Variants in DOCK8 observed in about 807,000 individuals in gnomAD.
The protein encoded by DOCK8 is dedicator of cytokinesis 8.
DOCK8 carries 141 observed loss-of-function variants against 245.6 expected under a neutral mutation model. The ratio of observed to expected loss-of-function variants is 0.57; its 90% CI spans 0.50 to 0.66. The LOEUF is 0.66. Ranked by LOEUF, DOCK8 falls within the 30% of genes least tolerant of loss-of-function variation. The pLI is 0.00. For missense variants in DOCK8, 2,965 were observed against 2,603.4 expected, an observed-to-expected ratio of 1.14 and a Z score of -3.02; for synonymous variants, 1,168 against 970.2, an observed-to-expected ratio of 1.20 and a Z score of -3.79.
At chr9:433,723 C>T in intron 37 of DOCK8, 152 bp from the exon 38 acceptor site, 2 of 691,470 alleles carry the variant, frequency 2.9e-6, no homozygotes, top group South Asian at 1.5e-5. Flanking sequence ...ATGAAAACTA[C>T]AGAGTCAGGT....
At chr9:359,881 C>A (rs2052638043) in intron 14 of DOCK8, among the ~76,000 whole-genome samples, 1 of 151,282 alleles carries the variant, frequency 6.6e-6, no homozygotes, top group African/African-American at 2.4e-5. Context: ...TTTGAAATTG[C>A]CAAAATTGTT....
chr9:437,876 C>A (rs1309753661), intron 39 of DOCK8, among the ~76,000 whole-genome samples: 2 of 152,200 alleles, frequency 1.3e-5, no homozygotes, highest in African/African-American at 4.8e-5. Context: ...AGAAAGTCTG[C>A]AGAATCCTTT....
In DOCK8 at chr9:451,969, ATATATATATTTTTTTTTTTTT is replaced by A. The variant is rs749360544; in HGVS notation, c.5962-40_5962-20del. On this transcript the variant is annotated intron_variant, in intron 45 of 47. Coordinates refer to ENST00000432829, the MANE Select transcript of DOCK8 (RefSeq NM_203447.4). ...TGTGTGTGTGTGTATATATATATAT[ATATATATATTTTTTTTTTTTT>A]TTTTTTTTTTTTCCCACCAGGGACC... 5.2e-4 allele frequency: 208 copies of A among 397,162 alleles called. 1 individual carries two copies. The African/African-American group carries it at 8.3e-3, about 16-fold the overall frequency. 24.6% of individuals were successfully genotyped at this position (397,162 alleles called of 1,614,324 possible).
At chr9:441,629 A>G (rs2057098444) in intron 41 of DOCK8, among the ~76,000 whole-genome samples, 1 of 152,260 alleles carries the variant, frequency 6.6e-6, no homozygotes, top group African/African-American at 2.4e-5. Context: ...CTTTATAACC[A>G]GGAAATGTGA....
upstream of DOCK8, among the ~76,000 whole-genome samples, chr9:211,908 G>A (rs931468170): frequency 3.9e-5 from 6 of 152,170 alleles, no homozygotes; most frequent in African/African-American, 1.2e-4. Flanking sequence ...CAAAAAATGT[G>A]TGATTATGGA....
upstream of DOCK8, among the ~76,000 whole-genome samples, chr9:212,284 G>C (rs948056036): frequency 6.6e-6 from 1 of 152,164 alleles, no homozygotes; most frequent in African/African-American, 2.4e-5. Context: ...GTAAGAAGAA[G>C]ATGTGGGGAA....
At chr9:420,042 A>C in intron 30 of DOCK8, 1 of 343,962 alleles carries the variant, frequency 2.9e-6, no homozygotes, top group Non-Finnish European at 5.6e-6. Flanking sequence ...TGGAGATCTT[A>C]GCAGCATGAA....
At chr9:377,254 C>A (rs1253858153) in intron 20 of DOCK8, 43 bp downstream of exon 20, 4 of 1,494,212 alleles carry the variant, frequency 2.7e-6, no homozygotes, top group East Asian at 2.4e-5. Context: ...CAGGAGCAAG[C>A]AAGCATTGCC....
intron 14 of DOCK8, among the ~76,000 whole-genome samples, chr9:343,736 A>G (rs770466477): frequency 6.6e-6 from 1 of 152,222 alleles, no homozygotes; most frequent in Non-Finnish European, 1.5e-5. Flanking sequence ...CCTTAGAGGA[A>G]GATGAAGGCA....
chr9:285,412 A>G (rs2048778351), intron 2 of DOCK8, among the ~76,000 whole-genome samples: 1 of 152,146 alleles, frequency 6.6e-6, no homozygotes, highest in African/African-American at 2.4e-5. Flanking sequence ...AATCCAAGAT[A>G]TTTGTTTTGT....
chr9:403,917 CATATATATATATGTG>C (rs2055253564), intron 26 of DOCK8, among the ~76,000 whole-genome samples: 3 of 65,136 alleles, frequency 4.6e-5, no homozygotes, highest in African/African-American at 2.4e-4. Flanking sequence ...TATATATATA[CATATATATATATGTG>C]TATATATATA....
At position 324,717 on chromosome 9, in the gene DOCK8, T is replaced by C. The variant is rs184204607; in HGVS notation, c.828-954T>C. Among the ~76,000 whole-genome samples, 1,082 of 152,240 alleles carry C rather than the reference T, an allele frequency of 7.1e-3. 14 individuals are homozygous for C. The highest frequency in any genetic ancestry group is 8.3e-3 in the Non-Finnish European group (562 of 68,016). ...ATTCATCCCCATCAAAACCCAGCCT[T>C]CTTCTGACTGTCCCACTACAAATCT... is the stretch of plus-strand genomic sequence containing the variant. On this transcript the variant is annotated intron_variant, in intron 7 of 47. Transcript: ENST00000432829.
At chr9:343,664 C>G (rs74463483) in intron 14 of DOCK8, among the ~76,000 whole-genome samples, 5 of 152,090 alleles carry the variant, frequency 3.3e-5, no homozygotes, top group Admixed American at 1.3e-4. Context: ...AAACTTAGTC[C>G]CCACGTCTCC....
intron 6 of DOCK8, among the ~76,000 whole-genome samples, chr9:316,247 A>G (rs7020261): frequency 0.32 from 48,798 of 152,116 alleles, 8,752 homozygotes; most frequent in African/African-American, 0.48. Context: ...AGCACTCACC[A>G]GTGTTTGGAA....
intron 2 of DOCK8, among the ~76,000 whole-genome samples, chr9:285,540 A>T (rs7865183): frequency 0.057 from 8,740 of 152,228 alleles, 400 homozygotes; most frequent in African/African-American, 0.13. Flanking sequence ...GCTGCTATTA[A>T]TATGACACAA....
chr9:298,953 TTAAC>T (rs1390617082), intron 4 of DOCK8, among the ~76,000 whole-genome samples: 1 of 152,036 alleles, frequency 6.6e-6, no homozygotes, highest in Non-Finnish European at 1.5e-5. Context: ...TGAATTTTAA[TTAAC>T]TGTTTGTTTC....
chr9:426,396 C>T (rs2056501998), intron 33 of DOCK8, among the ~76,000 whole-genome samples: 1 of 152,204 alleles, frequency 6.6e-6, no homozygotes, highest in South Asian at 2.1e-4. Context: ...TGACTCTCCC[C>T]TGACTTGGCT....
chr9:355,204 T>C (rs1222965364), intron 14 of DOCK8, among the ~76,000 whole-genome samples: 18,837 of 134,478 alleles, frequency 0.14, 2,206 homozygotes, highest in Non-Finnish European at 0.19. Context: ...TTTTTTTTTT[T>C]TTTTTTTTTT....
intron 24 of DOCK8, among the ~76,000 whole-genome samples, chr9:395,594 C>T (rs1050765019): frequency 2.0e-5 from 3 of 151,818 alleles, no homozygotes; most frequent in South Asian, 2.1e-4. Flanking sequence ...CTAATCTAGA[C>T]GCATACATGA....
Sources: allele counts gnomAD v4.1 joint callset (sites outside exome capture counted in the v4.1 genomes callset), GRCh38; gene constraint gnomAD v4.1.1; transcripts MANE v1.5; gene names NCBI Gene and HGNC (gene_info 2026-07-23, HGNC 2026-07-21).